GSK3B: variants seen among roughly 807,000 people sequenced by gnomAD.
The protein encoded by GSK3B is glycogen synthase kinase-3 beta.
In GSK3B, 15 loss-of-function variants were observed where a neutral mutation model predicts 56.4. The observed-to-expected ratio is 0.27, with a 90% CI of 0.18 to 0.41. The LOEUF (loss-of-function observed/expected upper bound fraction) is 0.41. Among genes scored for constraint, GSK3B ranks in the 10% least tolerant of loss-of-function variants. The probability of loss-of-function intolerance (pLI) is 1.00; values close to 1 mark genes in which losing one functional copy is unlikely to be tolerated. For missense variants in GSK3B, 300 were observed against 513.4 expected, an observed-to-expected ratio of 0.58 and a Z score of 4.02; for synonymous variants, 181 against 188.9, an observed-to-expected ratio of 0.96 and a Z score of 0.34.
intron 2 of GSK3B, among the ~76,000 whole-genome samples, chr3:119,994,814 C>T (rs2057599286): frequency 6.6e-6 from 1 of 151,982 alleles, no homozygotes; most frequent in Admixed American, 6.6e-5. Context: ...ACACATGACC[C>T]AGGATTTTCT....
At chr3:119,909,106 C>T (rs576332346) in intron 6 of GSK3B, among the ~76,000 whole-genome samples, 1 of 152,154 alleles carries the variant, frequency 6.6e-6, no homozygotes, top group South Asian at 2.1e-4. Context: ...GCAACCTCTG[C>T]CTCCTGGCCT....
chr3:119,998,632 A>G (rs1012253684), intron 2 of GSK3B, among the ~76,000 whole-genome samples: 2 of 152,186 alleles, frequency 1.3e-5, no homozygotes, highest in Admixed American at 1.3e-4. Context: ...AAAGGGTCAC[A>G]ACATGTAAAA....
intron 2 of GSK3B, among the ~76,000 whole-genome samples, chr3:119,953,645 A>G (rs1359212701): frequency 6.6e-6 from 1 of 152,054 alleles, no homozygotes; most frequent in Non-Finnish European, 1.5e-5. Flanking sequence ...ACCAATGTGA[A>G]TTCTATATTA....
chr3:120,029,143 G>T (rs1400252233), intron 1 of GSK3B: 2 of 700,330 alleles, frequency 2.9e-6, no homozygotes, highest in South Asian at 1.6e-5. Flanking sequence ...TGATATAAAA[G>T]CTGACGGTTG....
At chr3:119,881,155 A>C (rs962869972) in intron 7 of GSK3B, among the ~76,000 whole-genome samples, 1 of 152,360 alleles carries the variant, frequency 6.6e-6, no homozygotes, top group Middle Eastern at 3.4e-3. Flanking sequence ...CCAGAGCTAC[A>C]CATACCTTTA....
intron 9 of GSK3B, among the ~76,000 whole-genome samples, chr3:119,850,392 T>C (rs1456226558): frequency 6.6e-6 from 1 of 152,176 alleles, no homozygotes; most frequent in Non-Finnish European, 1.5e-5. Flanking sequence ...ATCCTTAAAA[T>C]CCATTGCTTT....
chr3:119,907,005 T>C (rs1056702612), intron 6 of GSK3B, among the ~76,000 whole-genome samples: 1 of 152,094 alleles, frequency 6.6e-6, no homozygotes, highest in Non-Finnish European at 1.5e-5. Context: ...TCTGCAAATA[T>C]AGACCAAGAG....
chr3:119,968,919 T>C lies in GSK3B; in HGVS notation c.283-21568A>G, dbSNP rs147063851. 7.6e-4 allele frequency among the ~76,000 whole-genome samples: 115 copies of C among 152,296 alleles called. 1 individual carries two copies. The East Asian group carries it at 0.014, about 18-fold the overall frequency. On this transcript the variant is annotated intron_variant, in intron 2 of 10. Transcript: ENST00000264235. ...CTGTATTCTCATATATCAGGAACAA[T>C]TGGCATTAAAATTAAAACATAATAA...
At chr3:119,994,247 C>G (rs1006769905) in intron 2 of GSK3B, among the ~76,000 whole-genome samples, 1 of 151,708 alleles carries the variant, frequency 6.6e-6, no homozygotes, top group African/African-American at 2.4e-5. Flanking sequence ...ATGATATATA[C>G]AATTAAATGA....
intron 7 of GSK3B, among the ~76,000 whole-genome samples, chr3:119,896,343 G>C (rs1481540455): frequency 1.3e-5 from 2 of 151,322 alleles, no homozygotes; most frequent in East Asian, 3.9e-4. Context: ...TTTTTTTCTA[G>C]GTGAATTTCA....
intron 7 of GSK3B, among the ~76,000 whole-genome samples, chr3:119,899,361 G>C (rs2056603548): frequency 6.6e-6 from 1 of 152,106 alleles, no homozygotes; most frequent in African/African-American, 2.4e-5. Context: ...TGGATATCAG[G>C]AGACTACTGT....
intron 1 of GSK3B, among the ~76,000 whole-genome samples, chr3:120,014,016 A>G (rs1268498534): frequency 6.6e-6 from 1 of 151,754 alleles, no homozygotes; most frequent in Non-Finnish European, 1.5e-5. Flanking sequence ...CTAAAAGTAC[A>G]AAAAGCTACT....
intron 1 of GSK3B, among the ~76,000 whole-genome samples, chr3:120,071,542 T>C (rs974788686): frequency 6.6e-6 from 1 of 152,158 alleles, no homozygotes; most frequent in Non-Finnish European, 1.5e-5. Flanking sequence ...GCGTGAACTC[T>C]ATTGTAAAGC....
At chr3:119,846,209 T>C (rs370669821) in intron 9 of GSK3B, among the ~76,000 whole-genome samples, 2 of 152,176 alleles carry the variant, frequency 1.3e-5, no homozygotes, top group Non-Finnish European at 2.9e-5. Flanking sequence ...GAAGGAAACC[T>C]AGGCAATATC....
intron 8 of GSK3B, 140 bp from the exon 9 acceptor site, chr3:119,863,745 G>GA: frequency 1.7e-6 from 1 of 589,418 alleles, no homozygotes. Context: ...AATGGAAAGA[G>GA]TTAAATGCAT....
At chr3:120,077,456 T>G (rs1033035830) in intron 1 of GSK3B, among the ~76,000 whole-genome samples, 4 of 152,122 alleles carry the variant, frequency 2.6e-5, no homozygotes, top group African/African-American at 7.2e-5. Flanking sequence ...TATACAGAGA[T>G]AGAGAGTAAA....
At position 119,924,922 on chromosome 3, in the gene GSK3B, C is replaced by G. The variant is rs771135100; in HGVS notation, c.367-1439G>C. Among the ~76,000 whole-genome samples the G allele has an allele frequency of 1.3e-5, 2 of 152,132 alleles. 1 individual carries two copies. Among genetic ancestry groups the G allele is most frequent in the South Asian group, 4.1e-4 (2 of 4,828 alleles). On this transcript the variant is annotated intron_variant, in intron 3 of 10. Coordinates refer to ENST00000264235, the MANE Select transcript of GSK3B (RefSeq NM_001146156.2). ...AAAAAGCTTGTGGTTTTTCCACAAC[C>G]CTGGTTGAGTTCAGCTTTCTGCCCA...
At chr3:119,947,977 A>G (rs2057116818) in intron 2 of GSK3B, among the ~76,000 whole-genome samples, 1 of 152,160 alleles carries the variant, frequency 6.6e-6, no homozygotes, top group African/African-American at 2.4e-5. Flanking sequence ...AGTTATGTTC[A>G]TTCTTCAAAA....
chr3:119,888,928 C>T (rs1417403653), intron 7 of GSK3B, among the ~76,000 whole-genome samples: 1 of 151,964 alleles, frequency 6.6e-6, no homozygotes, highest in African/African-American at 2.4e-5. Flanking sequence ...GGGGAAAAAT[C>T]CCGCCCTGGT....
Sources: gnomAD v4.1 joint callset for allele counts (sites outside exome capture counted in the v4.1 genomes callset) on GRCh38, gnomAD v4.1.1 for gene constraint, MANE v1.5 for transcripts, NCBI Gene and HGNC (gene_info 2026-07-23, HGNC 2026-07-21) for gene names.